NUP98: variants seen among roughly 807,000 people sequenced by gnomAD.
NUP98 encodes the protein nucleoporin 98 and 96 precursor.
A neutral mutation model predicts 191.9 loss-of-function variants in NUP98; 26 were observed. The observed-to-expected ratio is 0.14, with a 90% CI of 0.10 to 0.19. The LOEUF (loss-of-function observed/expected upper bound fraction) is 0.19, where lower values mean the gene tolerates loss of function less well. Among genes scored for constraint, NUP98 ranks in the 10% least tolerant of loss-of-function variants. The pLI is 1.00. For synonymous variants in NUP98, 808 were observed against 778.4 expected, an observed-to-expected ratio of 1.04 and a Z score of -0.63; for missense variants, 1,941 against 2,178.8, an observed-to-expected ratio of 0.89 and a Z score of 2.17.
chr11:3,696,232 T>G (rs1255249330), intron 25 of NUP98, among the ~76,000 whole-genome samples: 1 of 152,038 alleles, frequency 6.6e-6, no homozygotes, highest in African/African-American at 2.4e-5. Flanking sequence ...CTGGGCACGG[T>G]GGCTCACACC....
intron 28 of NUP98, among the ~76,000 whole-genome samples, chr11:3,688,435 A>C (rs2078195651): frequency 6.6e-6 from 1 of 151,084 alleles, no homozygotes; most frequent in Admixed American, 6.6e-5. Context: ...AAAATAAATA[A>C]ATAAAAACCA....
At chr11:3,785,290 G>A (rs984200662) in intron 1 of NUP98, among the ~76,000 whole-genome samples, 8 of 152,136 alleles carry the variant, frequency 5.3e-5, no homozygotes, top group African/African-American at 1.7e-4. Context: ...ATGACAGGCT[G>A]AAGCTTAGTA....
intron 29 of NUP98, among the ~76,000 whole-genome samples, chr11:3,684,156 G>A (rs1344077194): frequency 3.3e-5 from 5 of 152,150 alleles, no homozygotes; most frequent in African/African-American, 4.8e-5. Flanking sequence ...AAATTGCAGT[G>A]AGCCGAGATC....
chr11:3,714,132 TTGAG>T (rs2079104351), intron 18 of NUP98, 137 bp from the exon 19 acceptor site: 2 of 890,450 alleles, frequency 2.2e-6, no homozygotes, highest in Non-Finnish European at 3.4e-6. Flanking sequence ...TGTCATAAAC[TTGAG>T]TTTTGCCCCA....
intron 14 of NUP98, among the ~76,000 whole-genome samples, chr11:3,730,381 G>A (rs2079797686): frequency 1.3e-5 from 2 of 150,004 alleles, no homozygotes; most frequent in South Asian, 2.1e-4. Flanking sequence ...TTTGGAGGCC[G>A]AGTCTCACTC....
At chr11:3,756,897 C>T (rs931248824) in intron 10 of NUP98, among the ~76,000 whole-genome samples, 1 of 150,352 alleles carries the variant, frequency 6.7e-6, no homozygotes, top group Non-Finnish European at 1.5e-5. Flanking sequence ...ACCATCCCGG[C>T]TAACATGGTG....
chr11:3,765,067 A>G (rs916311551), intron 8 of NUP98, among the ~76,000 whole-genome samples: 8 of 152,242 alleles, frequency 5.3e-5, no homozygotes, highest in East Asian at 1.9e-4. Context: ...CTACTGAATT[A>G]TAAGAGTTAT....
intron 11 of NUP98, 94 bp from the exon 12 acceptor site, chr11:3,744,743 A>C: frequency 2.2e-6 from 3 of 1,392,180 alleles, no homozygotes; most frequent in Non-Finnish European, 2.9e-6. Flanking sequence ...ACATTTGGAA[A>C]CTTCATAGTG....
intron 14 of NUP98, among the ~76,000 whole-genome samples, chr11:3,727,337 G>A (rs1431731041): frequency 1.3e-5 from 2 of 152,080 alleles, no homozygotes; most frequent in African/African-American, 4.8e-5. Flanking sequence ...AGGGTGGGGG[G>A]CAGTGTGTGG....
At chr11:3,731,082 T>A (rs1436079389) in intron 14 of NUP98, among the ~76,000 whole-genome samples, 1 of 152,140 alleles carries the variant, frequency 6.6e-6, no homozygotes, top group South Asian at 2.1e-4. Flanking sequence ...CTGGCCAACA[T>A]TGTGAAACCC....
chr11:3,793,956 C>T (rs1259427736), intron 1 of NUP98, among the ~76,000 whole-genome samples: 2 of 151,602 alleles, frequency 1.3e-5, no homozygotes, highest in African/African-American at 4.9e-5. Context: ...GCAACAAGAG[C>T]GAAACTCTGT....
In NUP98 at chr11:3,698,990, C is replaced by A. The variant is rs1001168343; in HGVS notation, c.4009+92G>T. On this transcript the variant is annotated intron_variant, in intron 25 of 32. Transcript: ENST00000324932. ...GCAATTAATACTCATAGGCTAGAAG[C>A]CAAAGGGAAATGCACAATTAGCGGG... 4.8e-6 allele frequency: 7 copies of A among 1,455,832 alleles called. No homozygotes were observed. In the African/African-American group the frequency reaches 7.0e-5, roughly 15 times the overall value. The allele number at this position is 1,455,832 out of a possible 1,614,324, so 90.2% of individuals were successfully genotyped here.
intron 11 of NUP98, among the ~76,000 whole-genome samples, chr11:3,749,972 A>G (rs1242291084): frequency 6.6e-6 from 1 of 152,240 alleles, no homozygotes; most frequent in Non-Finnish European, 1.5e-5. Flanking sequence ...TTCCAATTTG[A>G]TGTATCAATC....
chr11:3,688,822 T>TATATATATATATATGTATTTAAATATAC (rs2078213448), intron 28 of NUP98, among the ~76,000 whole-genome samples: 4 of 40,330 alleles, frequency 9.9e-5, no homozygotes, highest in Admixed American at 4.8e-4. Context: ...TAAATATACA[T>TATATATATATATATGTATTTAAATATAC]ATATATATAT....
At chr11:3,729,938 A>G (rs923581923) in intron 14 of NUP98, among the ~76,000 whole-genome samples, 1 of 152,018 alleles carries the variant, frequency 6.6e-6, no homozygotes, top group Admixed American at 6.6e-5. Flanking sequence ...GCGCAAAAAC[A>G]GTATATAAAA....
chr11:3,772,528 C>A (rs2081562789), intron 6 of NUP98, among the ~76,000 whole-genome samples: 1 of 152,064 alleles, frequency 6.6e-6, no homozygotes, highest in Non-Finnish European at 1.5e-5. Flanking sequence ...TTAAAAAGTA[C>A]ATAATGTGCC....
chr11:3,740,682 T>C (rs542790006), intron 12 of NUP98, among the ~76,000 whole-genome samples: 2 of 152,024 alleles, frequency 1.3e-5, no homozygotes, highest in Non-Finnish European at 2.9e-5. Context: ...GCTAAGAATC[T>C]GACATTCTAA....
rs1210800003 is a variant in NUP98, at chr11:3,702,324, CTCTCTCTCTCT to C, written c.3512+128_3512+138del. ...ACACACACACACACACTCTCTCTCT[CTCTCTCTCTCT>C]CTCTCTCTCTCTCTCTCTCTCTCTC... On this transcript the variant is annotated intron_variant, in intron 23 of 32. Transcript: ENST00000324932. The C allele has an allele frequency of 8.2e-3, 1,252 of 152,232 alleles. 15 individuals are homozygous for C. Among genetic ancestry groups the C allele is most frequent in the East Asian group, 0.032 (311 of 9,630 alleles). The allele number at this position is 152,232 out of a possible 1,614,324, so 9.4% of individuals were successfully genotyped here.
intron 19 of NUP98, 76 bp downstream of exon 19, chr11:3,713,742 G>T: frequency 1.5e-6 from 2 of 1,378,402 alleles, no homozygotes; most frequent in Non-Finnish European, 2.0e-6. Flanking sequence ...ATTTAGCAAA[G>T]GATCCCTTCC....
Sources: gnomAD v4.1 joint callset for allele counts (sites outside exome capture counted in the v4.1 genomes callset) on GRCh38, gnomAD v4.1.1 for gene constraint, MANE v1.5 for transcripts, NCBI Gene and HGNC (gene_info 2026-07-23, HGNC 2026-07-21) for gene names.